CEP55: variants seen among roughly 807,000 people sequenced by gnomAD.
CEP55 encodes the protein centrosomal protein 55, also known as centrosomal protein of 55 kDa.
CEP55 carries 57 observed loss-of-function variants against 63.2 expected under a neutral mutation model. The observed-to-expected ratio is 0.90, with a 90% CI of 0.73 to 1.13. CEP55 has a LOEUF of 1.13. Ranked by LOEUF, CEP55 falls within the 50% of genes most tolerant of loss-of-function variation. The pLI is 0.00. For synonymous variants in CEP55, 178 were observed against 191.6 expected (o/e 0.93, Z 0.59); for missense variants, 456 against 518.9 (o/e 0.88, Z 1.18).
chr10:93,506,135 G>T (rs182316827), intron 3 of CEP55, among the ~76,000 whole-genome samples: 2,117 of 152,208 alleles, frequency 0.014, 55 homozygotes, highest in Non-Finnish European at 0.013. Context: ...TAAAGATGGG[G>T]TTTCACCATA....
rs2057654088 is a variant in CEP55, at chr10:93,503,340, A to T, written c.411A>T (p.Ser137=). ...AACAACAGTTGTCTGCTGCAACCTC[A>T]CGAATTGCTGAACTTGAAAGCAAAA... ...VLKQQLSAAT[S]RIAELESKTN... The change falls in exon 3 of 9, where the codon TCA becomes TCT. Residue 137 remains serine (S), a synonymous_variant. Transcript: ENST00000371485. The T allele has an allele frequency of 6.2e-7, 1 of 1,614,182 alleles. No individual in the cohort carries two copies. The highest frequency in any genetic ancestry group is 1.1e-5 in the South Asian group (1 of 91,086).
chr10:93,519,924 G>C (rs747223917), intron 8 of CEP55, 117 bp downstream of exon 8: 27 of 1,133,504 alleles, frequency 2.4e-5, no homozygotes, highest in Non-Finnish European at 3.0e-5. Flanking sequence ...CAAATCAGTA[G>C]GTAGAGCCTC....
intron 4 of CEP55, among the ~76,000 whole-genome samples, chr10:93,511,414 G>C (rs529208219): frequency 6.6e-6 from 1 of 152,256 alleles, no homozygotes; most frequent in East Asian, 1.9e-4. Context: ...ATTTATGATA[G>C]CTATCAACTC....
Position 93,528,234 on chromosome 10 carries a change from T to A in CEP55, c.*81T>A. The stretch of plus-strand genomic sequence containing the variant: ...TTGTGGGCATTTTGAATTATATATT[T>A]CACATTTTGCATAAAACTGCCTATC... On this transcript the variant is annotated 3_prime_UTR_variant, in exon 9 of 9. Transcript: ENST00000371485. 2 of 1,274,018 alleles carry A rather than the reference T, an allele frequency of 1.6e-6. No individual in the cohort carries two copies. The highest frequency in any genetic ancestry group is 2.2e-6 in the Non-Finnish European group (2 of 894,646). The allele number at this position is 1,274,018 out of a possible 1,614,324, so 78.9% of individuals were successfully genotyped here. A position where few individuals can be genotyped will look rare whatever the true frequency, so the allele number is the denominator to read the frequency against.
chr10:93,497,983 G>T (rs58492851), intron 1 of CEP55, among the ~76,000 whole-genome samples: 2,339 of 152,086 alleles, frequency 0.015, 58 homozygotes, highest in African/African-American at 0.054. Context: ...TTAGCCAGGC[G>T]TGGTGACGCG....
intron 8 of CEP55, among the ~76,000 whole-genome samples, chr10:93,523,530 C>T (rs551864834): frequency 5.3e-5 from 8 of 152,210 alleles, no homozygotes; most frequent in African/African-American, 1.4e-4. Context: ...GACAGATCCA[C>T]GAGACAGAAA....
chr10:93,522,487 A>G (rs1282851235), intron 8 of CEP55, among the ~76,000 whole-genome samples: 1 of 152,246 alleles, frequency 6.6e-6, no homozygotes, highest in Non-Finnish European at 1.5e-5. Context: ...TGACGAGGAG[A>G]ATGCAACCAA....
At chr10:93,498,184 C>T (rs896253310) in intron 1 of CEP55, among the ~76,000 whole-genome samples, 2 of 148,486 alleles carry the variant, frequency 1.3e-5, no homozygotes, top group Non-Finnish European at 3.0e-5. Flanking sequence ...AAAGAAAATA[C>T]AGGGAAAGGA....
At chr10:93,520,677 C>T (rs1301190059) in intron 8 of CEP55, among the ~76,000 whole-genome samples, 1 of 151,576 alleles carries the variant, frequency 6.6e-6, no homozygotes, top group Non-Finnish European at 1.5e-5. Context: ...ATGTCTGTCC[C>T]ACTAGTACAT....
intron 1 of CEP55, among the ~76,000 whole-genome samples, chr10:93,498,692 C>T (rs190527567): frequency 6.6e-6 from 1 of 152,060 alleles, no homozygotes; most frequent in Non-Finnish European, 1.5e-5. Flanking sequence ...ATCATTTATC[C>T]CTGTACTTCT....
Position 93,517,190 on chromosome 10 carries a change from A to C in CEP55, c.935A>C (p.Asp312Ala). The change falls in exon 6 of 9, where the codon GAT becomes GCT. Residue 312 changes from aspartate to alanine, a missense_variant. Asp to Ala is a moderately radical substitution (Grantham distance 126, BLOSUM62 -2). Coordinates refer to ENST00000371485, the MANE Select transcript of CEP55 (RefSeq NM_018131.5). The part of the protein sequence containing the change: ...EKIQKLREEN[D>A]IARGKLEEEK... ...ATACAAAAACTCAGGGAAGAGAATGATATTGCTAGGGGAAAACTTGAAGAA... is the reference window on the plus strand; with the variant it reads ...ATACAAAAACTCAGGGAAGAGAATGCTATTGCTAGGGGAAAACTTGAAGAA... 6.2e-7 allele frequency: 1 copy of C among 1,612,452 alleles called. No homozygotes were observed. The highest frequency in any genetic ancestry group is 8.5e-7 in the Non-Finnish European group (1 of 1,179,342).
chr10:93,500,316 C>T, intron 2 of CEP55, 82 bp downstream of exon 2: 7 of 1,155,662 alleles, frequency 6.1e-6, no homozygotes, highest in Non-Finnish European at 8.9e-6. Flanking sequence ...CCTTCTTACT[C>T]TTGCCGTGTT....
At position 93,516,924 on chromosome 10, in the gene CEP55, G is replaced by C; in HGVS notation, c.680-11G>C. On this transcript the variant is annotated splice_polypyrimidine_tract_variant and intron_variant, in intron 5 of 8. Transcript: ENST00000371485. Reference sequence around the variant, plus strand: ...ATAAAGTGAGTTGTGCCGTAATGTTGTTTGTCATAGGTTATCTTCAAGAAG... The same window carrying C: ...ATAAAGTGAGTTGTGCCGTAATGTTCTTTGTCATAGGTTATCTTCAAGAAG... 6.5e-7 allele frequency: 1 copy of C among 1,544,790 alleles called. No individual in the cohort carries two copies. Among genetic ancestry groups the C allele is most frequent in the Admixed American group, 2.0e-5 (1 of 48,806 alleles).
chr10:93,524,841 C>A (rs1410327078), intron 8 of CEP55, among the ~76,000 whole-genome samples: 1 of 152,114 alleles, frequency 6.6e-6, no homozygotes, highest in Non-Finnish European at 1.5e-5. Context: ...ACAAAAACCA[C>A]ATGATTATCT....
chr10:93,499,024 G>A lies in CEP55; in HGVS notation c.-12-1016G>A, dbSNP rs191103559. On this transcript the variant is annotated intron_variant, in intron 1 of 8. Coordinates refer to ENST00000371485, the MANE Select transcript of CEP55 (RefSeq NM_018131.5). ...CTTTTATATACTATTTATATGCATCGTATGCTTCACTAGATTTTTGCCTGC... is the reference window on the plus strand; with the variant it reads ...CTTTTATATACTATTTATATGCATCATATGCTTCACTAGATTTTTGCCTGC... Among the ~76,000 whole-genome samples the A allele has an allele frequency of 1.8e-4, 27 of 151,888 alleles. No individual in the cohort carries two copies. In the East Asian group the frequency reaches 2.9e-3, roughly 16 times the overall value.
rs1001176862 is a variant in CEP55 at position 93,509,860 on chromosome 10, CA to C, written c.528+2805del. On this transcript the variant is annotated intron_variant, in intron 4 of 8. Coordinates refer to ENST00000371485, the MANE Select transcript of CEP55 (RefSeq NM_018131.5). ...TGGAATTTCAGCAAATCTTTGAGACCAGGGGGAAAATTGTAGTTGGAGGACT... is the reference window on the plus strand; with the variant it reads ...TGGAATTTCAGCAAATCTTTGAGACCGGGGGAAAATTGTAGTTGGAGGACT... 1.3e-4 allele frequency among the ~76,000 whole-genome samples: 20 copies of C among 152,196 alleles called. 1 individual carries two copies. The highest frequency in any genetic ancestry group is 1.2e-3 in the Admixed American group (19 of 15,290).
intron 8 of CEP55, among the ~76,000 whole-genome samples, chr10:93,522,909 G>C (rs2057879004): frequency 1.3e-5 from 2 of 152,158 alleles, no homozygotes; most frequent in Non-Finnish European, 2.9e-5. Context: ...GTCACCACCA[G>C]GCCTGCCCTA....
At chr10:93,519,420 G>A (rs1416263794) in intron 7 of CEP55, among the ~76,000 whole-genome samples, 1 of 152,226 alleles carries the variant, frequency 6.6e-6, no homozygotes, top group African/African-American at 2.4e-5. Context: ...AAGGTGGATA[G>A]GGAGGAGTAA....
rs570737002 is a variant in CEP55, at chr10:93,515,396, C to G, written c.529-9C>G. 1 of 1,564,268 alleles carries G rather than the reference C, an allele frequency of 6.4e-7. No homozygotes were observed. Among genetic ancestry groups the G allele is most frequent in the East Asian group, 2.3e-5 (1 of 44,014 alleles). On this transcript the variant is annotated splice_polypyrimidine_tract_variant and intron_variant, in intron 4 of 8. Coordinates refer to ENST00000371485, the MANE Select transcript of CEP55 (RefSeq NM_018131.5). ...TTTACTGTTGATTTTCTTTCATCTT[C>G]CCATTAAGGCTCTGGAGAAAAATCA...
Sources: gnomAD v4.1 joint callset for allele counts (sites outside exome capture counted in the v4.1 genomes callset) on GRCh38, gnomAD v4.1.1 for gene constraint, MANE v1.5 for transcripts, NCBI Gene and HGNC (gene_info 2026-07-23, HGNC 2026-07-21) for gene names.